FAF1: variants seen among roughly 807,000 people sequenced by gnomAD.
FAF1 encodes the protein FAS-associated factor 1.
In FAF1, 25 loss-of-function variants were observed where a neutral mutation model predicts 92.5. The observed-to-expected ratio is 0.27, with a 90% CI of 0.20 to 0.38. The LOEUF (loss-of-function observed/expected upper bound fraction) is 0.38. FAF1 is among the 10% of genes least tolerant of loss of function. The probability of loss-of-function intolerance (pLI) is 1.00; values close to 1 mark genes in which losing one functional copy is unlikely to be tolerated. For missense variants in FAF1, 636 were observed against 793.3 expected, an observed-to-expected ratio of 0.80 and a Z score of 2.38; for synonymous variants, 234 against 273.2, an observed-to-expected ratio of 0.86 and a Z score of 1.42.
At chr1:50,564,756 T>C (rs567130552) in intron 13 of FAF1, among the ~76,000 whole-genome samples, 11 of 152,214 alleles carry the variant, frequency 7.2e-5, no homozygotes, top group East Asian at 1.9e-4. Flanking sequence ...GGCAAGAAAA[T>C]TGTGGTTAAG....
chr1:50,803,517 T>G (rs1662079017), intron 2 of FAF1, among the ~76,000 whole-genome samples: 1 of 152,188 alleles, frequency 6.6e-6, no homozygotes, highest in Admixed American at 6.5e-5. Context: ...CCTACCTTTT[T>G]GTTTCTCAAA....
At chr1:50,554,430 C>T (rs949934735) in intron 13 of FAF1, among the ~76,000 whole-genome samples, 9 of 138,356 alleles carry the variant, frequency 6.5e-5, no homozygotes, top group Admixed American at 5.0e-4. Context: ...TAAATTAGCA[C>T]ATTTATATAG....
At chr1:50,639,791 G>A (rs987026726) in intron 8 of FAF1, among the ~76,000 whole-genome samples, 3 of 151,708 alleles carry the variant, frequency 2.0e-5, no homozygotes, top group African/African-American at 4.8e-5. Flanking sequence ...AAAATTAGCC[G>A]GGCATGGTGG....
At chr1:50,555,145 C>A (rs1171444955) in intron 13 of FAF1, among the ~76,000 whole-genome samples, 1 of 151,854 alleles carries the variant, frequency 6.6e-6, no homozygotes, top group East Asian at 1.9e-4. Flanking sequence ...ATCACTTGAG[C>A]CCAGGTGGTC....
chr1:50,816,713 T>G (rs1395018160), intron 2 of FAF1, among the ~76,000 whole-genome samples: 1 of 152,208 alleles, frequency 6.6e-6, no homozygotes, highest in Non-Finnish European at 1.5e-5. Flanking sequence ...AATTTTTGTT[T>G]CGGTTGCAAA....
At chr1:50,763,702 T>C (rs571412844) in intron 4 of FAF1, among the ~76,000 whole-genome samples, 1 of 152,318 alleles carries the variant, frequency 6.6e-6, no homozygotes, top group African/African-American at 2.4e-5. Context: ...AACTGTTAAA[T>C]CCATCAGAGT....
At chr1:50,663,086 A>G (rs886716891) in intron 7 of FAF1, among the ~76,000 whole-genome samples, 3 of 151,836 alleles carry the variant, frequency 2.0e-5, no homozygotes, top group Non-Finnish European at 4.4e-5. Flanking sequence ...AGATGAGAAA[A>G]GCTAAACATA....
intron 12 of FAF1, 45 bp downstream of exon 12, chr1:50,582,573 C>G (rs1305140898): frequency 8.0e-6 from 10 of 1,246,426 alleles, no homozygotes; most frequent in Non-Finnish European, 1.2e-5. Context: ...AGTGGTAAAC[C>G]TGTGGGATGC....
chr1:50,569,868 A>C (rs1333572039), intron 12 of FAF1, among the ~76,000 whole-genome samples: 3 of 152,158 alleles, frequency 2.0e-5, no homozygotes, highest in Non-Finnish European at 4.4e-5. Context: ...TGCAGCCGAC[A>C]GTGTTGACTG....
intron 1 of FAF1, among the ~76,000 whole-genome samples, chr1:50,948,930 T>C (rs1645192938): frequency 6.6e-6 from 1 of 152,130 alleles, no homozygotes; most frequent in South Asian, 2.1e-4. Context: ...ACCCCCATGA[T>C]CCAATATCTA....
chr1:50,789,603 C>T (rs1052183935), intron 3 of FAF1, among the ~76,000 whole-genome samples: 1 of 152,184 alleles, frequency 6.6e-6, no homozygotes, highest in African/African-American at 2.4e-5. Context: ...GCCACAATTA[C>T]CTCCTGTATG....
chr1:50,729,034 C>CTATCTATCTATCTATCTATA (rs774816134), intron 6 of FAF1, among the ~76,000 whole-genome samples: 1 of 88,124 alleles, frequency 1.1e-5, no homozygotes, highest in African/African-American at 4.9e-5. Context: ...ATCTATCTAT[C>CTATCTATCTATCTATCTATA]TATATATATA....
chr1:50,819,717 GTATATATATATACATATATATACATA>G lies in FAF1; in HGVS notation c.115-18066_115-18041del, dbSNP rs1353738459. 6.3e-4 allele frequency among the ~76,000 whole-genome samples: 8 copies of G among 12,776 alleles called. 1 individual carries two copies. The highest frequency in any genetic ancestry group is 1.4e-3 in the Admixed American group (1 of 736). 8.4% of individuals were successfully genotyped at this position (12,776 alleles called of 152,430 possible). On this transcript the variant is annotated intron_variant, in intron 2 of 18. Transcript: ENST00000396153. The stretch of plus-strand genomic sequence containing the variant: ...CATATATATATACATATATATATAC[GTATATATATATACATATATATACATA>G]TATATATACATATATATATACGTAT...
At chr1:50,945,527 T>G (rs1266230012) in intron 1 of FAF1, among the ~76,000 whole-genome samples, 1 of 152,210 alleles carries the variant, frequency 6.6e-6, no homozygotes, top group Admixed American at 6.5e-5. Context: ...CAGTTTATGA[T>G]AGTTGATATT....
chr1:50,784,299 G>GA lies in FAF1; in HGVS notation c.367+3700dup, dbSNP rs1014042424. Among the ~76,000 whole-genome samples the GA allele has an allele frequency of 1.6e-3, 235 of 145,902 alleles. 2 individuals are homozygous for GA. Among genetic ancestry groups the GA allele is most frequent in the Admixed American group, 4.1e-3 (61 of 14,730 alleles). On this transcript the variant is annotated intron_variant, in intron 4 of 18. Coordinates refer to ENST00000396153, the MANE Select transcript of FAF1 (RefSeq NM_007051.3). The stretch of plus-strand genomic sequence containing the variant: ...AGAAAACACTAAGGATTCTACCAAA[G>GA]AAAAAAAAAACTTAGAACTAATAAA...
chr1:50,494,258 C>A (rs778724167), intron 15 of FAF1, among the ~76,000 whole-genome samples: 5 of 152,156 alleles, frequency 3.3e-5, no homozygotes, highest in African/African-American at 4.8e-5. Flanking sequence ...TTATGTGTTT[C>A]CCCCATATTA....
chr1:50,863,284 C>A (rs1261817191), intron 1 of FAF1, among the ~76,000 whole-genome samples: 1 of 151,720 alleles, frequency 6.6e-6, no homozygotes, highest in African/African-American at 2.4e-5. Flanking sequence ...ACAATGAAAT[C>A]AAAATGGAAA....
chr1:50,772,864 AAAAT>A (rs1660822153), intron 4 of FAF1, among the ~76,000 whole-genome samples: 1 of 152,240 alleles, frequency 6.6e-6, no homozygotes, highest in Non-Finnish European at 1.5e-5. Flanking sequence ...AACTTTAAAT[AAAAT>A]AAATATCATT....
At chr1:50,764,503 A>T (rs1660488746) in intron 4 of FAF1, among the ~76,000 whole-genome samples, 1 of 151,938 alleles carries the variant, frequency 6.6e-6, no homozygotes, top group Non-Finnish European at 1.5e-5. Flanking sequence ...TAGCTCTTTA[A>T]CTCTGCAGGA....
Sources: allele counts gnomAD v4.1 joint callset (sites outside exome capture counted in the v4.1 genomes callset), GRCh38; gene constraint gnomAD v4.1.1; transcripts MANE v1.5; gene names NCBI Gene and HGNC (gene_info 2026-07-23, HGNC 2026-07-21).